The following ADGRD1 variants were observed in gnomAD, a reference collection of about 807,000 sequenced individuals.
ADGRD1 encodes G-protein coupled receptor 133.
In ADGRD1, 77 loss-of-function variants were observed where a neutral mutation model predicts 113.4. The observed-to-expected ratio is 0.68, with a 90% CI of 0.57 to 0.82. The LOEUF is 0.82. ADGRD1 is among the 40% of genes least tolerant of loss of function. ADGRD1 has a pLI of 0.00. For missense variants in ADGRD1, 1,036 were observed against 1,139.1 expected (o/e 0.91, Z 1.30); for synonymous variants, 474 against 475.0 (o/e 1.00, Z 0.03).
In ADGRD1 at chr12:130,954,733, C is replaced by T; in HGVS notation, c.103+73C>T. On this transcript the variant is annotated intron_variant, in intron 2 of 24. Transcript: ENST00000261654. This position sits in a 1 kb window ranked among gnomAD's most constrained non-coding sequence, Gnocchi z 4.7. ...GTGCAGGTATCTCAGGAACAGCCCACTTGTTCATCTCTGAGGCATCAGCGA... is the reference window on the plus strand; with the variant it reads ...GTGCAGGTATCTCAGGAACAGCCCATTTGTTCATCTCTGAGGCATCAGCGA... 7.0e-7 allele frequency: 1 copy of T among 1,420,374 alleles called. No homozygotes were observed. Among genetic ancestry groups the T allele is most frequent in the Non-Finnish European group, 9.9e-7 (1 of 1,005,212 alleles). 88.0% of individuals were successfully genotyped at this position (1,420,374 alleles called of 1,614,324 possible). A position where few individuals can be genotyped will look rare whatever the true frequency, so the allele number is the denominator to read the frequency against.
chr12:131,030,333 T>C (rs112867609), intron 13 of ADGRD1, among the ~76,000 whole-genome samples: 7,459 of 151,778 alleles, frequency 0.049, 382 homozygotes, highest in African/African-American at 0.12. Flanking sequence ...TTTTGTCAGC[T>C]GCAGAGGGTA....
intron 13 of ADGRD1, among the ~76,000 whole-genome samples, chr12:131,035,683 G>C (rs1881297294): frequency 1.3e-5 from 2 of 152,168 alleles, no homozygotes. Flanking sequence ...AATAGAAACA[G>C]GGCAGCAGTC....
At position 131,058,899 on chromosome 12, in the gene ADGRD1, T is replaced by A. The variant is rs1280797081; in HGVS notation, c.1474-17902T>A. 3.3e-5 allele frequency among the ~76,000 whole-genome samples: 5 copies of A among 152,340 alleles called. 1 individual carries two copies. The highest frequency in any genetic ancestry group is 3.3e-4 in the Admixed American group (5 of 15,312). ...TCAGCTGCTTGAATCTGTGTGTTTA[T>A]ATGTTTTGCCAAATTTAAGAAATTT... is the stretch of plus-strand genomic sequence containing the variant. On this transcript the variant is annotated intron_variant, in intron 13 of 24. Transcript: ENST00000261654.
At position 131,141,015 on chromosome 12, in the gene ADGRD1, C is replaced by T. The variant is rs958708120; in HGVS notation, c.*1752C>T. 8 of 152,284 alleles carry T rather than the reference C, an allele frequency of 5.3e-5. No homozygotes were observed. Among genetic ancestry groups the T allele is most frequent in the African/African-American group, 1.9e-4 (8 of 41,460 alleles). The allele number at this position is 152,284 out of a possible 1,614,324, so 9.4% of individuals were successfully genotyped here. A position where few individuals can be genotyped will look rare whatever the true frequency, so the allele number is the denominator to read the frequency against. On this transcript the variant is annotated 3_prime_UTR_variant, in exon 25 of 25. Coordinates refer to ENST00000261654, the MANE Select transcript of ADGRD1 (RefSeq NM_198827.5). The stretch of plus-strand genomic sequence containing the variant: ...AGCCACTGCCCCAGGCTCCCGTGAC[C>T]CCAGAAACCAGGTCACATGGACCAC...
intron 15 of ADGRD1, among the ~76,000 whole-genome samples, chr12:131,094,195 C>T (rs1038778679): frequency 2.0e-5 from 3 of 152,190 alleles, no homozygotes; most frequent in African/African-American, 7.2e-5. Context: ...CCAAACACTG[C>T]CTGACAGAGT....
chr12:131,112,946 T>C (rs1323261136), intron 18 of ADGRD1, among the ~76,000 whole-genome samples: 2 of 152,220 alleles, frequency 1.3e-5, no homozygotes, highest in African/African-American at 4.8e-5. Context: ...CAGCTGCTTT[T>C]ATCTGGAGTA....
intron 13 of ADGRD1, among the ~76,000 whole-genome samples, chr12:131,064,691 T>C (rs1426515846): frequency 6.6e-6 from 1 of 152,254 alleles, no homozygotes; most frequent in Non-Finnish European, 1.5e-5. Flanking sequence ...AATGACTCAA[T>C]TGAGGATCCC....
intron 15 of ADGRD1, among the ~76,000 whole-genome samples, chr12:131,085,757 C>G (rs1028580352): frequency 6.6e-6 from 1 of 152,194 alleles, no homozygotes; most frequent in Non-Finnish European, 1.5e-5. Flanking sequence ...GGATGCTGGG[C>G]TGTAACCTGT....
chr12:131,004,711 C>T (rs2136745758), intron 11 of ADGRD1, among the ~76,000 whole-genome samples: 1 of 152,300 alleles, frequency 6.6e-6, no homozygotes, highest in East Asian at 1.9e-4. Flanking sequence ...CCCCTTCCTG[C>T]TCAGGTAGCT....
At chr12:131,012,032 C>T (rs1189741084) in intron 12 of ADGRD1, among the ~76,000 whole-genome samples, 3 of 152,156 alleles carry the variant, frequency 2.0e-5, no homozygotes, top group Non-Finnish European at 4.4e-5. Flanking sequence ...CCACGCATGC[C>T]CAGTGGTGAA....
chr12:131,136,824 C>G (rs1284601541), intron 22 of ADGRD1, 149 bp from the exon 23 acceptor site: 1 of 716,442 alleles, frequency 1.4e-6, no homozygotes, highest in Non-Finnish European at 2.5e-6. Context: ...CCCAGGACGC[C>G]TCTCCGTCCT....
chr12:131,034,245 G>A (rs1464337444), intron 13 of ADGRD1, among the ~76,000 whole-genome samples: 3 of 152,152 alleles, frequency 2.0e-5, no homozygotes, highest in Non-Finnish European at 2.9e-5. Flanking sequence ...CCCGCCATGC[G>A]TCTGCCTTGC....
intron 20 of ADGRD1, among the ~76,000 whole-genome samples, chr12:131,125,487 C>T (rs1488983627): frequency 6.6e-6 from 1 of 151,846 alleles, no homozygotes; most frequent in Non-Finnish European, 1.5e-5. Context: ...TACATAGAGA[C>T]AGAGATATGG....
rs61939666 is a variant in ADGRD1, at chr12:131,076,381, G to A, written c.1474-420G>A. ...ATGGAGCTAGAGTGGGCAGGGTGCCGGTGCTGTTTAGAACAGGTAGGGAAG... is the reference window on the plus strand; with the variant it reads ...ATGGAGCTAGAGTGGGCAGGGTGCCAGTGCTGTTTAGAACAGGTAGGGAAG... On this transcript the variant is annotated intron_variant, in intron 13 of 24. Transcript: ENST00000261654. Among the ~76,000 whole-genome samples, 10 of 152,256 alleles carry A rather than the reference G, an allele frequency of 6.6e-5. No individual in the cohort carries two copies. The South Asian group carries it at 8.3e-4, about 13-fold the overall frequency.
At chr12:130,963,731 TA>T (rs1192151788) in intron 2 of ADGRD1, among the ~76,000 whole-genome samples, 1 of 151,784 alleles carries the variant, frequency 6.6e-6, no homozygotes, top group Non-Finnish European at 1.5e-5. Flanking sequence ...CTGATACTAT[TA>T]AAAAATTCTA....
intron 13 of ADGRD1, among the ~76,000 whole-genome samples, chr12:131,032,418 C>T (rs1407585012): frequency 2.0e-5 from 3 of 152,254 alleles, no homozygotes; most frequent in Admixed American, 2.0e-4. Context: ...CACTTTGGTA[C>T]CCTGGAAGTA....
At position 131,003,212 on chromosome 12, in the gene ADGRD1, G is replaced by A. The variant is rs1190105071; in HGVS notation, c.1054G>A (p.Asp352Asn). 16 of 1,613,894 alleles carry A rather than the reference G, an allele frequency of 9.9e-6. No individual in the cohort carries two copies. In the Admixed American group the frequency reaches 1.2e-4, roughly 12 times the overall value. ...EDSAVVLSLI[D>N]TIDTVMGHVS... ...CAGCGCCGTGGTACTGAGTCTCATC[G>A]ACACTATTGACACCGTCATGGGCCA... is the stretch of plus-strand genomic sequence containing the variant. Residue 352 changes from aspartate to asparagine, a missense_variant, in exon 10 of 25, where the codon GAC (aspartate) becomes AAC (asparagine). By Grantham distance (23) the Asp-to-Asn change is conservative. Transcript: ENST00000261654. The surrounding 1 kb of genome is among the most constrained non-coding windows in gnomAD (Gnocchi z 4.8).
chr12:131,086,417 G>C (rs73468761), intron 15 of ADGRD1, among the ~76,000 whole-genome samples: 100 of 152,256 alleles, frequency 6.6e-4, no homozygotes, highest in African/African-American at 2.2e-3. Context: ...AGTCCACTGC[G>C]ACACAGTCAC....
chr12:131,125,520 A>G (rs12372170), intron 20 of ADGRD1, among the ~76,000 whole-genome samples: 33,774 of 152,232 alleles, frequency 0.22, 4,673 homozygotes, highest in South Asian at 0.39. Flanking sequence ...ATACAGAGGT[A>G]TAGATGCAAA....
Sources: gnomAD v4.1 joint callset for allele counts (sites outside exome capture counted in the v4.1 genomes callset) on GRCh38, gnomAD v4.1.1 for gene constraint, Gnocchi (gnomAD v3.1) non-coding constraint, MANE v1.5 for transcripts, NCBI Gene and HGNC (gene_info 2026-07-23, HGNC 2026-07-21) for gene names.